The following TRIM4 variants were observed in gnomAD, a reference collection of about 807,000 sequenced individuals.
TRIM4 encodes tripartite motif containing 4.
In TRIM4, 29 loss-of-function variants were observed where a neutral mutation model predicts 33.7. The observed-to-expected ratio is 0.86, with a 90% CI of 0.64 to 1.17. TRIM4 has a LOEUF of 1.17. TRIM4 is among the 50% of genes most tolerant of loss of function. The pLI, the probability that TRIM4 is intolerant of heterozygous loss-of-function variation, is 0.00. For synonymous variants in TRIM4, 224 were observed against 233.0 expected (o/e 0.96, Z 0.35); for missense variants, 554 against 593.7 (o/e 0.93, Z 0.69).
At position 99,892,335 on chromosome 7, in the gene TRIM4, T is replaced by C; in HGVS notation, c.1253A>G (p.His418Arg). The C allele has an allele frequency of 6.2e-7, 1 of 1,614,138 alleles. No homozygotes were observed. The highest frequency in any genetic ancestry group is 1.1e-5 in the South Asian group (1 of 91,084). ...GTPTQQEPAL[H>R]RVGVYLDRGT... Reference sequence around the variant, plus strand: ...ACGATCCAGGTAAACCCCCACTCGGTGGAGAGCTGGCTCTTGCTGGGTGGG... The same window carrying C: ...ACGATCCAGGTAAACCCCCACTCGGCGGAGAGCTGGCTCTTGCTGGGTGGG... Residue 418 changes from histidine to arginine, a missense_variant, in exon 6 of 6, where the codon CAC becomes CGC. His to Arg is a conservative substitution (Grantham distance 29). Transcript: ENST00000349062.
chr7:99,895,201 CTTTTCT>C (rs750728653), intron 5 of TRIM4, among the ~76,000 whole-genome samples: 1 of 152,188 alleles, frequency 6.6e-6, no homozygotes, highest in Non-Finnish European at 1.5e-5. Flanking sequence ...GCACTATACA[CTTTTCT>C]TTAAGTTTTG....
chr7:99,914,903 G>A (rs1371661373), intron 1 of TRIM4, among the ~76,000 whole-genome samples: 3 of 151,460 alleles, frequency 2.0e-5, no homozygotes, highest in African/African-American at 4.9e-5. Flanking sequence ...TCCGCCTCCC[G>A]GATTCAAGCA....
chr7:99,915,493 T>A (rs1272295402), intron 1 of TRIM4, among the ~76,000 whole-genome samples: 1 of 152,146 alleles, frequency 6.6e-6, no homozygotes, highest in East Asian at 1.9e-4. Context: ...GGGTATAGGA[T>A]GGGGATATTT....
rs1444314917 is a variant in TRIM4, at chr7:99,919,068, A to C, written c.334T>G (p.Ser112Ala). 1.3e-6 allele frequency: 2 copies of C among 1,571,362 alleles called. No individual in the cohort carries two copies. Among genetic ancestry groups the C allele is most frequent in the Non-Finnish European group, 1.7e-6 (2 of 1,160,852 alleles). ...ATGGCGTGAGTCTGGTGCTCCTGGG[A>C]CTCCCTGCACACCAGGCACACTGGC... ...QRPVCLVCRE[S>A]QEHQTHAMAP... Residue 112 changes from serine to alanine, a missense_variant, in exon 1 of 6, where the codon TCC (serine) becomes GCC (alanine). Ser to Ala is a moderately conservative substitution (Grantham distance 99). Transcript: ENST00000349062.
Position 99,903,274 on chromosome 7 carries a change from T to A in TRIM4, c.785A>T (p.Lys262Met). Residue 262 changes from lysine to methionine, a missense_variant, in exon 5 of 6, where the codon AAG becomes ATG. Around this residue, in one of 3 missense-constraint regions of TRIM4, gnomAD observed 290 missense variants for 335.8 expected, o/e 0.86. Transcript: ENST00000349062. ...QDVNYSLEAVKVKTVCQIPLM... is the reference protein window; with the variant it reads ...QDVNYSLEAVMVKTVCQIPLM... ...TGGTATCTGGCACACTGTCTTCACC[T>A]TTACAGCTTCAAGAGAATAGTTCAC... 6.2e-7 allele frequency: 1 copy of A among 1,613,448 alleles called. No individual in the cohort carries two copies. The highest frequency in any genetic ancestry group is 8.5e-7 in the Non-Finnish European group (1 of 1,179,524).
intron 5 of TRIM4, among the ~76,000 whole-genome samples, chr7:99,898,963 A>T (rs551484717): frequency 1.1e-3 from 163 of 152,344 alleles, no homozygotes; most frequent in African/African-American, 3.7e-3. Flanking sequence ...TGTAGTTTCT[A>T]ACGCTGCTGC....
intron 1 of TRIM4, chr7:99,916,675 C>A (rs1256092489): frequency 2.6e-6 from 2 of 780,280 alleles, no homozygotes; most frequent in Admixed American, 1.7e-5. Context: ...ATCATCCCTG[C>A]CCTGAACTAA....
intron 3 of TRIM4, among the ~76,000 whole-genome samples, chr7:99,906,610 GGTAAATATAAAGGA>G (rs1819311680): frequency 6.6e-6 from 1 of 151,980 alleles, no homozygotes; most frequent in African/African-American, 2.4e-5. Flanking sequence ...CAAACAAAGG[GGTAAATATAAAGGA>G]GCCAAGCATT....
chr7:99,909,729 GTT>G (rs58242927), intron 1 of TRIM4, 69 bp from the exon 2 acceptor site: 88,895 of 712,252 alleles, frequency 0.12, 2,098 homozygotes, highest in Middle Eastern at 0.18. Flanking sequence ...TTTTCTTTTT[GTT>G]TTTTTTTTTT....
intron 5 of TRIM4, chr7:99,901,195 A>C (rs552391216): frequency 6.6e-6 from 1 of 152,090 alleles, no homozygotes; most frequent in Non-Finnish European, 1.5e-5. Context: ...CTTCAAGTTC[A>C]CCAATTTTTT....
At chr7:99,906,808 C>T (rs1584268150) in intron 3 of TRIM4, among the ~76,000 whole-genome samples, 1 of 151,960 alleles carries the variant, frequency 6.6e-6, no homozygotes, top group Admixed American at 6.6e-5. Context: ...AGCACACCAC[C>T]GCACTCCAGT....
Position 99,919,482 on chromosome 7 carries a change from A to G in TRIM4, c.-81T>C. ...AGCTGCGAGCGGCCGCGGGGAGGCC[A>G]GACGACTTCCGAACCGCCGTCACCG... is the stretch of plus-strand genomic sequence containing the variant. On this transcript the variant is annotated 5_prime_UTR_variant, in exon 1 of 6. Transcript: ENST00000349062. 7.1e-7 allele frequency: 1 copy of G among 1,400,844 alleles called. No homozygotes were observed. Among genetic ancestry groups the G allele is most frequent in the South Asian group, 1.5e-5 (1 of 64,542 alleles). The allele number at this position is 1,400,844 out of a possible 1,614,324, so 86.8% of individuals were successfully genotyped here. A position where few individuals can be genotyped will look rare whatever the true frequency, so the allele number is the denominator to read the frequency against.
intron 1 of TRIM4, among the ~76,000 whole-genome samples, chr7:99,911,042 G>A (rs1465683558): frequency 2.6e-5 from 4 of 152,300 alleles, no homozygotes; most frequent in Admixed American, 2.6e-4. Context: ...TAAATGGGAG[G>A]AAGGAAAATA....
intron 5 of TRIM4, among the ~76,000 whole-genome samples, chr7:99,894,208 T>A (rs1818960003): frequency 6.6e-6 from 1 of 152,236 alleles, no homozygotes; most frequent in African/African-American, 2.4e-5. Flanking sequence ...GACATTGATG[T>A]ATAATTCTTT....
intron 5 of TRIM4, among the ~76,000 whole-genome samples, chr7:99,895,449 C>T (rs185449770): frequency 5.3e-5 from 8 of 152,254 alleles, no homozygotes; most frequent in Admixed American, 2.6e-4. Context: ...TTGAATTTGA[C>T]ACTTGCTTTA....
chr7:99,909,532 G>A, intron 2 of TRIM4, 33 bp downstream of exon 2: 1 of 1,596,156 alleles, frequency 6.3e-7, no homozygotes, highest in Non-Finnish European at 8.6e-7. Context: ...AGGACCTCAG[G>A]AGCAAGAAAT....
intron 1 of TRIM4, 82 bp from the exon 2 acceptor site, chr7:99,909,742 T>G (rs569338254): frequency 1.6e-6 from 2 of 1,236,896 alleles, no homozygotes; most frequent in East Asian, 2.5e-5. Flanking sequence ...TTTTTTTTTT[T>G]TTTTTTTTGA....
intron 5 of TRIM4, chr7:99,902,147 TTTTG>T (rs1286850787): frequency 3.9e-6 from 3 of 765,280 alleles, no homozygotes; most frequent in East Asian, 2.4e-5. Flanking sequence ...ATTGTGCCTG[TTTTG>T]TTTTTGTGTT....
At chr7:99,903,131 G>T in intron 5 of TRIM4, 87 bp downstream of exon 5, 5 of 998,152 alleles carry the variant, frequency 5.0e-6, no homozygotes, top group Non-Finnish European at 7.5e-6. Flanking sequence ...GCTGCATGCT[G>T]TTTCCTCTTT....
Sources: gnomAD v4.1 joint callset for allele counts (sites outside exome capture counted in the v4.1 genomes callset) on GRCh38, gnomAD v4.1.1 for gene constraint, gnomAD v4.1.1 regional missense constraint, MANE v1.5 for transcripts, NCBI Gene and HGNC (gene_info 2026-07-23, HGNC 2026-07-21) for gene names.